Variants in EML1 observed in about 807,000 individuals in gnomAD.
The protein encoded by EML1 is EMAP like 1, also known as echinoderm microtubule-associated protein-like 1.
Under a neutral mutation model 110.4 loss-of-function variants are expected in EML1, and 27 were observed. The observed-to-expected ratio is 0.24, with a 90% CI of 0.18 to 0.34. EML1 has a LOEUF of 0.34. Ranked by LOEUF, EML1 falls within the 10% of genes least tolerant of loss-of-function variation. EML1 has a pLI of 1.00. For missense variants in EML1, 741 were observed against 1,030.9 expected, an observed-to-expected ratio of 0.72 and a Z score of 3.85; for synonymous variants, 344 against 385.8, an observed-to-expected ratio of 0.89 and a Z score of 1.27.
intron 17 of EML1, among the ~76,000 whole-genome samples, chr14:99,922,261 G>GCC: frequency 6.6e-6 from 1 of 151,902 alleles, no homozygotes; most frequent in Non-Finnish European, 1.5e-5. Context: ...GATTACAGGT[G>GCC]CATGCCACCA....
chr14:99,908,317 C>T (rs1417485782), intron 10 of EML1, among the ~76,000 whole-genome samples: 3 of 152,250 alleles, frequency 2.0e-5, no homozygotes, highest in Non-Finnish European at 4.4e-5. Flanking sequence ...GTCAAATTCC[C>T]TTGCCTTGAC....
At chr14:99,917,528 C>T (rs1195177993) in intron 15 of EML1, among the ~76,000 whole-genome samples, 1 of 152,152 alleles carries the variant, frequency 6.6e-6, no homozygotes, top group Non-Finnish European at 1.5e-5. Flanking sequence ...CCATTGTACT[C>T]CAGCCTGTGC....
chr14:99,761,292 C>G (rs1334319015), intron 1 of EML1, among the ~76,000 whole-genome samples: 3 of 152,198 alleles, frequency 2.0e-5, no homozygotes, highest in Non-Finnish European at 4.4e-5. Context: ...CTTCATCCCC[C>G]TCTGGTTGCC....
chr14:99,756,588 A>C (rs992996317), intron 1 of EML1, among the ~76,000 whole-genome samples: 7 of 152,132 alleles, frequency 4.6e-5, no homozygotes, highest in Non-Finnish European at 8.8e-5. Context: ...TACCTAAAGA[A>C]TGGTGGGGTC....
Position 99,914,659 on chromosome 14 carries a change from G to T in EML1, c.1714G>T (p.Ala572Ser), listed in dbSNP as rs1360737562. ...GHDKHATLWD[A>S]VGHRPVWDKI... Reference sequence around the variant, plus strand: ...TGACAAGCATGCCACTCTCTGGGACGCTGTGGGTCACCGTCCCGTCTGGGA... The same window carrying T: ...TGACAAGCATGCCACTCTCTGGGACTCTGTGGGTCACCGTCCCGTCTGGGA... Residue 572 changes from alanine to serine, a missense_variant, in exon 15 of 22, where the codon GCT becomes TCT. Transcript: ENST00000262233. 7 of 1,610,602 alleles carry T rather than the reference G, an allele frequency of 4.3e-6. No individual in the cohort carries two copies. The highest frequency in any genetic ancestry group is 5.9e-6 in the Non-Finnish European group (7 of 1,179,358).
At chr14:99,774,761 T>A (rs2057463959) in intron 1 of EML1, among the ~76,000 whole-genome samples, 1 of 152,024 alleles carries the variant, frequency 6.6e-6, no homozygotes, top group South Asian at 2.1e-4. Flanking sequence ...CCCATGTCTG[T>A]GTGAAGCCTT....
chr14:99,746,917 G>T (rs902709173), intron 1 of EML1, among the ~76,000 whole-genome samples: 1 of 152,096 alleles, frequency 6.6e-6, no homozygotes, highest in Non-Finnish European at 1.5e-5. Flanking sequence ...CATCTGCCGC[G>T]CCCTGCCCTG....
intron 1 of EML1, among the ~76,000 whole-genome samples, chr14:99,797,470 C>G (rs1455301427): frequency 6.6e-6 from 1 of 152,152 alleles, no homozygotes; most frequent in Non-Finnish European, 1.5e-5. Flanking sequence ...TATCTAGGAG[C>G]AGAATTGCTA....
At chr14:99,821,960 G>A (rs576119072) in intron 1 of EML1, among the ~76,000 whole-genome samples, 1 of 152,236 alleles carries the variant, frequency 6.6e-6, no homozygotes, top group Non-Finnish European at 1.5e-5. Context: ...CAAGAAGGCA[G>A]GTTGAAGCAC....
chr14:99,757,837 G>A (rs912274459), intron 1 of EML1, among the ~76,000 whole-genome samples: 3 of 152,174 alleles, frequency 2.0e-5, no homozygotes, highest in Non-Finnish European at 2.9e-5. Flanking sequence ...TCAAGAATAC[G>A]CTTCTCTGCC....
chr14:99,800,453 T>C (rs1329764641), intron 1 of EML1, among the ~76,000 whole-genome samples: 5 of 152,112 alleles, frequency 3.3e-5, no homozygotes, highest in African/African-American at 9.7e-5. Flanking sequence ...CCTCGAACCC[T>C]TGGACTCTAG....
intron 1 of EML1, among the ~76,000 whole-genome samples, chr14:99,835,350 T>G (rs1314108713): frequency 6.6e-6 from 1 of 152,240 alleles, no homozygotes; most frequent in Non-Finnish European, 1.5e-5. Flanking sequence ...TTTTATGTCC[T>G]TTCTCTTTTT....
intron 1 of EML1, among the ~76,000 whole-genome samples, chr14:99,839,475 G>T (rs554410636): frequency 2.0e-4 from 30 of 152,298 alleles, no homozygotes; most frequent in Admixed American, 1.4e-3. Context: ...GAATTAAACT[G>T]AAAGTTTGTT....
chr14:99,911,090 G>A (rs1342603510), intron 12 of EML1, among the ~76,000 whole-genome samples: 1 of 152,132 alleles, frequency 6.6e-6, no homozygotes, highest in African/African-American at 2.4e-5. Context: ...TTCCACCAAG[G>A]GGGAACTGAG....
At position 99,795,812 on chromosome 14, in the gene EML1, C is replaced by T. The variant is rs113922895; in HGVS notation, c.67+2269C>T. ...CATACATTTTCATATGTTCAGTATG[C>T]GTCATGCTGTTAATAGTGACAGAAA... On this transcript the variant is annotated intron_variant, in intron 1 of 21. Transcript: ENST00000262233. 2.9e-3 allele frequency among the ~76,000 whole-genome samples: 435 copies of T among 152,252 alleles called. 2 individuals are homozygous for T. Among genetic ancestry groups the T allele is most frequent in the African/African-American group, 0.01 (421 of 41,552 alleles).
intron 2 of EML1, among the ~76,000 whole-genome samples, chr14:99,861,234 G>T (rs1289266434): frequency 6.6e-6 from 1 of 152,228 alleles, no homozygotes; most frequent in Non-Finnish European, 1.5e-5. Flanking sequence ...TGCAGTCAGT[G>T]GAGTAGACAG....
At chr14:99,836,814 T>G (rs2058548718) in intron 1 of EML1, among the ~76,000 whole-genome samples, 1 of 152,058 alleles carries the variant, frequency 6.6e-6, no homozygotes, top group South Asian at 2.1e-4. Flanking sequence ...TTTTGATCCT[T>G]TTGGGTCTTG....
At chr14:99,786,795 G>C (rs997209745) in intron 1 of EML1, among the ~76,000 whole-genome samples, 1 of 152,240 alleles carries the variant, frequency 6.6e-6, no homozygotes, top group African/African-American at 2.4e-5. Flanking sequence ...GTAGGCAGCA[G>C]AGAATGAAAG....
At chr14:99,919,767 G>C (rs2060099334) in intron 16 of EML1, among the ~76,000 whole-genome samples, 1 of 152,106 alleles carries the variant, frequency 6.6e-6, no homozygotes, top group African/African-American at 2.4e-5. Context: ...CTTTATTAAG[G>C]TTAAATAGCA....
Sources: gnomAD v4.1 joint callset for allele counts (sites outside exome capture counted in the v4.1 genomes callset) on GRCh38, gnomAD v4.1.1 for gene constraint, MANE v1.5 for transcripts, NCBI Gene and HGNC (gene_info 2026-07-23, HGNC 2026-07-21) for gene names.